Variants in RCSD1 observed in about 807,000 individuals in gnomAD.
RCSD1 encodes capZ-interacting protein.
A neutral mutation model predicts 42.5 loss-of-function variants in RCSD1; 26 were observed. That is an observed-to-expected ratio of 0.61 (90% CI 0.45 to 0.85). RCSD1 has a LOEUF of 0.85. RCSD1 is among the 40% of genes least tolerant of loss of function. RCSD1 has a pLI of 0.00. For synonymous variants in RCSD1, 220 were observed against 212.2 expected (o/e 1.04, Z -0.32); for missense variants, 571 against 528.3 (o/e 1.08, Z -0.79).
intron 1 of RCSD1, among the ~76,000 whole-genome samples, chr1:167,660,668 C>T (rs1187355461): frequency 6.6e-6 from 1 of 152,064 alleles, no homozygotes; most frequent in Non-Finnish European, 1.5e-5. Context: ...GCAATGGAGT[C>T]TCATTTTGTT....
chr1:167,631,395 T>C (rs1657693307), intron 1 of RCSD1, among the ~76,000 whole-genome samples: 1 of 152,260 alleles, frequency 6.6e-6, no homozygotes, highest in Non-Finnish European at 1.5e-5. Flanking sequence ...CATGTGTTGC[T>C]CACTAGACTG....
chr1:167,634,686 G>A (rs920163258), intron 1 of RCSD1, among the ~76,000 whole-genome samples: 7 of 152,052 alleles, frequency 4.6e-5, no homozygotes, highest in African/African-American at 1.7e-4. Context: ...TCCTTTGTTT[G>A]TTCAACTAAA....
intron 5 of RCSD1, among the ~76,000 whole-genome samples, chr1:167,695,254 G>C (rs1312684190): frequency 6.6e-6 from 1 of 152,254 alleles, no homozygotes; most frequent in Non-Finnish European, 1.5e-5. Flanking sequence ...TCTTCTCACA[G>C]GGTGAGGCAG....
chr1:167,703,457 C>T (rs975348906), intron 6 of RCSD1, among the ~76,000 whole-genome samples: 1 of 152,156 alleles, frequency 6.6e-6, no homozygotes, highest in Non-Finnish European at 1.5e-5. Context: ...AGCTGGAGAC[C>T]AGCCTGGGCA....
intron 3 of RCSD1, among the ~76,000 whole-genome samples, chr1:167,689,480 CAA>C (rs757551808): frequency 1.8e-4 from 15 of 82,906 alleles, no homozygotes; most frequent in Admixed American, 3.8e-4. Context: ...GACTCTGTCT[CAA>C]AAAAAAAAAA....
In RCSD1 at chr1:167,705,862, C is replaced by T. The variant is rs1659746390; in HGVS notation, c.*1166C>T. The stretch of plus-strand genomic sequence containing the variant: ...TTTGACTTGTATCCTCTCCCCTCTT[C>T]ATACACTCCTGCTGAAAAATGTTAA... On this transcript the variant is annotated 3_prime_UTR_variant, in exon 7 of 7. Coordinates refer to ENST00000367854, the MANE Select transcript of RCSD1 (RefSeq NM_052862.4). The T allele has an allele frequency of 6.6e-6, 1 of 152,184 alleles. No homozygotes were observed. The highest frequency in any genetic ancestry group is 2.4e-5 in the African/African-American group (1 of 41,424). 9.4% of individuals were successfully genotyped at this position (152,184 alleles called of 1,614,324 possible). A position where few individuals can be genotyped will look rare whatever the true frequency, so the allele number is the denominator to read the frequency against.
intron 3 of RCSD1, among the ~76,000 whole-genome samples, chr1:167,689,292 G>A (rs1405743557): frequency 6.6e-6 from 1 of 152,068 alleles, no homozygotes; most frequent in Admixed American, 6.5e-5. Flanking sequence ...GACCAACCTG[G>A]CCAACATGGT....
chr1:167,698,234 C>A (rs1399343296), intron 6 of RCSD1, among the ~76,000 whole-genome samples: 1 of 152,166 alleles, frequency 6.6e-6, no homozygotes, highest in Non-Finnish European at 1.5e-5. Context: ...GAGCTCCTTT[C>A]TAAAAATCAT....
chr1:167,680,944 G>T (rs1197658653), intron 1 of RCSD1, among the ~76,000 whole-genome samples: 1 of 152,216 alleles, frequency 6.6e-6, no homozygotes, highest in Non-Finnish European at 1.5e-5. Flanking sequence ...GCCTTAGCGG[G>T]ACTGCCGTGA....
intron 1 of RCSD1, among the ~76,000 whole-genome samples, chr1:167,676,117 C>A (rs1658945876): frequency 6.6e-6 from 1 of 152,312 alleles, no homozygotes; most frequent in Middle Eastern, 3.4e-3. Flanking sequence ...TAACTACTAT[C>A]ATCATCATTC....
intron 1 of RCSD1, among the ~76,000 whole-genome samples, chr1:167,645,717 G>A (rs1203483889): frequency 6.6e-6 from 1 of 152,210 alleles, no homozygotes; most frequent in East Asian, 1.9e-4. Flanking sequence ...TGCCCTAAGC[G>A]ACTAGAGTGG....
Position 167,707,444 on chromosome 1 carries a change from A to G in RCSD1, c.*2748A>G, listed in dbSNP as rs1252336791. On this transcript the variant is annotated 3_prime_UTR_variant, in exon 7 of 7. Coordinates refer to ENST00000367854, the MANE Select transcript of RCSD1 (RefSeq NM_052862.4). ...ACTCAAACTAGCTGATGAAAAACAG[A>G]ACTATACAGATCAATGAATCTCTCC... is the stretch of plus-strand genomic sequence containing the variant. Among the ~76,000 whole-genome samples the G allele has an allele frequency of 6.6e-6, 1 of 152,198 alleles. No homozygotes were observed. Among genetic ancestry groups the G allele is most frequent in the Non-Finnish European group, 1.5e-5 (1 of 68,038 alleles).
At chr1:167,639,217 AAAAC>A (rs140796239) in intron 1 of RCSD1, among the ~76,000 whole-genome samples, 41,364 of 147,098 alleles carry the variant, frequency 0.28, 5,753 homozygotes, top group Non-Finnish European at 0.3. Flanking sequence ...ACTCCGTCTC[AAAAC>A]AAACAAACAA....
At chr1:167,681,920 G>A (rs939573709) in intron 1 of RCSD1, among the ~76,000 whole-genome samples, 1 of 152,170 alleles carries the variant, frequency 6.6e-6, no homozygotes, top group African/African-American at 2.4e-5. Flanking sequence ...TCCCAGTGGG[G>A]AACTCATCAG....
chr1:167,644,782 C>T (rs894181966), intron 1 of RCSD1, among the ~76,000 whole-genome samples: 3 of 152,216 alleles, frequency 2.0e-5, no homozygotes, highest in African/African-American at 7.2e-5. Flanking sequence ...ACTGCTAAAA[C>T]AGCTGCGGGG....
intron 1 of RCSD1, among the ~76,000 whole-genome samples, chr1:167,672,820 T>C (rs907508110): frequency 2.6e-5 from 4 of 152,250 alleles, no homozygotes; most frequent in South Asian, 2.1e-4. Flanking sequence ...TATCATACTT[T>C]ACATACTTGC....
intron 5 of RCSD1, among the ~76,000 whole-genome samples, chr1:167,695,419 G>A (rs1385154859): frequency 1.3e-5 from 2 of 152,236 alleles, no homozygotes; most frequent in Non-Finnish European, 2.9e-5. Flanking sequence ...AAGGGCTTGG[G>A]AGGCCCTGAT....
intron 1 of RCSD1, among the ~76,000 whole-genome samples, chr1:167,661,712 T>C (rs556683147): frequency 1.1e-4 from 17 of 152,302 alleles, no homozygotes; most frequent in Admixed American, 5.2e-4. Flanking sequence ...ATATATAAAA[T>C]CTTGTGAGTC....
intron 5 of RCSD1, 130 bp from the exon 6 acceptor site, chr1:167,696,969 T>A: frequency 1.3e-6 from 1 of 787,966 alleles, no homozygotes; most frequent in Non-Finnish European, 2.0e-6. Flanking sequence ...TTCGTTCTCC[T>A]GGAAAATTAA....
Sources: allele counts gnomAD v4.1 joint callset (sites outside exome capture counted in the v4.1 genomes callset), GRCh38; gene constraint gnomAD v4.1.1; transcripts MANE v1.5; gene names NCBI Gene and HGNC (gene_info 2026-07-23, HGNC 2026-07-21).